MBNL1: variants seen among roughly 807,000 people sequenced by gnomAD.
MBNL1 encodes the protein muscleblind like splicing regulator 1.
A neutral mutation model predicts 42.2 loss-of-function variants in MBNL1; 8 were observed. The observed-to-expected ratio is 0.19, with a 90% CI of 0.11 to 0.34. MBNL1 has a LOEUF of 0.34. Among genes scored for constraint, MBNL1 ranks in the 10% least tolerant of loss-of-function variants. The pLI is 1.00. For synonymous variants in MBNL1, 169 were observed against 173.9 expected (o/e 0.97, Z 0.22); for missense variants, 309 against 495.3 (o/e 0.62, Z 3.57).
chr3:152,401,098 A>G (rs1375437589), intron 2 of MBNL1, among the ~76,000 whole-genome samples: 1 of 152,244 alleles, frequency 6.6e-6, no homozygotes, highest in African/African-American at 2.4e-5. Context: ...GTCAAGGACC[A>G]GTGACTAAGC....
At chr3:152,246,362 T>G (rs1265836674) in intron 2 of MBNL1, among the ~76,000 whole-genome samples, 1 of 152,042 alleles carries the variant, frequency 6.6e-6, no homozygotes, top group Non-Finnish European at 1.5e-5. Flanking sequence ...TTGTTGTTGT[T>G]GTTGTTGTTG....
chr3:152,452,701 A>G (rs1174758545), intron 6 of MBNL1, among the ~76,000 whole-genome samples: 1 of 152,108 alleles, frequency 6.6e-6, no homozygotes, highest in East Asian at 1.9e-4. Context: ...TGCCACTTCA[A>G]TCTTGAGGAA....
At chr3:152,332,760 A>G (rs973633649) in intron 2 of MBNL1, among the ~76,000 whole-genome samples, 2 of 150,278 alleles carry the variant, frequency 1.3e-5, no homozygotes, top group African/African-American at 4.9e-5. Flanking sequence ...ATGCGCACAC[A>G]CTAGTTTATA....
At chr3:152,314,272 A>G (rs2068991892) in intron 2 of MBNL1, among the ~76,000 whole-genome samples, 1 of 150,732 alleles carries the variant, frequency 6.6e-6, no homozygotes, top group South Asian at 2.1e-4. Flanking sequence ...CAAATCCATA[A>G]TACTCTGTTT....
chr3:152,375,505 T>A (rs954842807), intron 2 of MBNL1, among the ~76,000 whole-genome samples: 1 of 152,176 alleles, frequency 6.6e-6, no homozygotes, highest in African/African-American at 2.4e-5. Flanking sequence ...ATCCCAGCAC[T>A]TTGGGAGGCC....
intron 2 of MBNL1, among the ~76,000 whole-genome samples, chr3:152,307,143 C>T (rs1398596435): frequency 6.6e-6 from 1 of 152,132 alleles, no homozygotes; most frequent in Non-Finnish European, 1.5e-5. Context: ...GCGTGTATCA[C>T]CATGCCCAGC....
At chr3:152,419,754 C>T (rs1271104161) in intron 3 of MBNL1, among the ~76,000 whole-genome samples, 13 of 151,952 alleles carry the variant, frequency 8.6e-5, no homozygotes, top group Non-Finnish European at 1.6e-4. Flanking sequence ...GGAACACCAG[C>T]GAGACAGAAC....
chr3:152,448,970 T>C (rs935896354), intron 6 of MBNL1, among the ~76,000 whole-genome samples: 1 of 152,208 alleles, frequency 6.6e-6, no homozygotes, highest in Non-Finnish European at 1.5e-5. Context: ...TTTGCCCATA[T>C]TGGAACAAAA....
chr3:152,346,424 G>T (rs1284372100), intron 2 of MBNL1, among the ~76,000 whole-genome samples: 1 of 151,824 alleles, frequency 6.6e-6, no homozygotes, highest in Non-Finnish European at 1.5e-5. Context: ...TTTTAAAAAC[G>T]CAGTTTTCCT....
intron 1 of MBNL1, among the ~76,000 whole-genome samples, chr3:152,273,708 T>C (rs1157703652): frequency 6.6e-6 from 1 of 152,204 alleles, no homozygotes; most frequent in Non-Finnish European, 1.5e-5. Flanking sequence ...AGACCAGTTA[T>C]TCCAAAAAGG....
chr3:152,276,754 G>A (rs2045447442), intron 1 of MBNL1, among the ~76,000 whole-genome samples: 1 of 152,154 alleles, frequency 6.6e-6, no homozygotes, highest in South Asian at 2.1e-4. Context: ...ATAATACGTA[G>A]TGTGGAACAT....
chr3:152,311,300 C>T (rs966162711), intron 2 of MBNL1, among the ~76,000 whole-genome samples: 1 of 152,134 alleles, frequency 6.6e-6, no homozygotes, highest in Non-Finnish European at 1.5e-5. Flanking sequence ...AGCCACTGCG[C>T]CCAGCTCAAG....
rs1175581777 is a variant in MBNL1, at chr3:152,400,980, G to A, written c.175-13961G>A. Among the ~76,000 whole-genome samples, 3 of 152,142 alleles carry A rather than the reference G, an allele frequency of 2.0e-5. No homozygotes were observed. The East Asian group carries it at 5.8e-4, about 29-fold the overall frequency. ...AGCCATCATTAGAATCATCTGGGGA[G>A]CCTTTAAAATACACTTATGCCTGGG... On this transcript the variant is annotated intron_variant, in intron 2 of 9. Coordinates refer to ENST00000324210, the MANE Select transcript of MBNL1 (RefSeq NM_021038.5).
chr3:152,439,993 C>T (rs1157610995), intron 4 of MBNL1, among the ~76,000 whole-genome samples: 2 of 152,104 alleles, frequency 1.3e-5, no homozygotes, highest in East Asian at 3.8e-4. Context: ...TAAATGACAA[C>T]GTGGAAGTGG....
In MBNL1 at chr3:152,338,801, A is replaced by G. The variant is rs1281146654; in HGVS notation, c.174+38434A>G. ...ACTCTGTGTTTGATCAAACCAAAAT[A>G]TGAGTCTTAGGGAACTATTTATTAA... is the stretch of plus-strand genomic sequence containing the variant. On this transcript the variant is annotated intron_variant, in intron 2 of 9. Coordinates refer to ENST00000324210, the MANE Select transcript of MBNL1 (RefSeq NM_021038.5). The G allele has an allele frequency of 8.2e-6, 4 of 484,960 alleles. No individual in the cohort carries two copies. The African/African-American group carries it at 8.4e-5, about 10-fold the overall frequency. 30.0% of individuals were successfully genotyped at this position (484,960 alleles called of 1,614,324 possible).
At chr3:152,364,070 A>G (rs919587096) in intron 2 of MBNL1, among the ~76,000 whole-genome samples, 3 of 152,036 alleles carry the variant, frequency 2.0e-5, no homozygotes, top group African/African-American at 7.2e-5. Context: ...TTTTTTCCCT[A>G]CAATACATTA....
At chr3:152,355,187 A>G (rs1016688611) in intron 2 of MBNL1, among the ~76,000 whole-genome samples, 3 of 152,144 alleles carry the variant, frequency 2.0e-5, no homozygotes, top group Non-Finnish European at 4.4e-5. Flanking sequence ...AAATAGCAAC[A>G]TGATTGGTGC....
chr3:152,341,217 A>C (rs1478537643), intron 2 of MBNL1, among the ~76,000 whole-genome samples: 1 of 152,200 alleles, frequency 6.6e-6, no homozygotes, highest in East Asian at 1.9e-4. Flanking sequence ...ATTTTTTAAA[A>C]TGTGTGGCAC....
At chr3:152,301,370 AG>A (rs973843723) in intron 2 of MBNL1, among the ~76,000 whole-genome samples, 11 of 152,172 alleles carry the variant, frequency 7.2e-5, no homozygotes, top group African/African-American at 2.7e-4. Flanking sequence ...TGGACCTTTG[AG>A]GGGAGGACAC....
Sources: allele counts gnomAD v4.1 joint callset (sites outside exome capture counted in the v4.1 genomes callset), GRCh38; gene constraint gnomAD v4.1.1; transcripts MANE v1.5; gene names NCBI Gene and HGNC (gene_info 2026-07-23, HGNC 2026-07-21).